The following PELI2 variants were observed in gnomAD, a reference collection of about 807,000 sequenced individuals.
PELI2 encodes the protein E3 ubiquitin-protein ligase pellino homolog 2.
A neutral mutation model predicts 42.3 loss-of-function variants in PELI2; 23 were observed. The ratio of observed to expected loss-of-function variants is 0.54; its 90% CI spans 0.39 to 0.77. PELI2 has a LOEUF of 0.77. PELI2 is among the 30% of genes least tolerant of loss of function. PELI2 has a pLI of 0.00. For missense variants in PELI2, 463 were observed against 553.2 expected, an observed-to-expected ratio of 0.84 and a Z score of 1.64; for synonymous variants, 245 against 212.2, an observed-to-expected ratio of 1.15 and a Z score of -1.34.
intron 5 of PELI2, among the ~76,000 whole-genome samples, chr14:56,291,820 G>A (rs941256443): frequency 4.6e-5 from 7 of 152,246 alleles, no homozygotes; most frequent in Non-Finnish European, 1.0e-4. Context: ...AGGAAGATGT[G>A]GCGTGAAGTT....
At chr14:56,254,038 C>T (rs1369839181) in intron 2 of PELI2, among the ~76,000 whole-genome samples, 3 of 152,164 alleles carry the variant, frequency 2.0e-5, no homozygotes, top group Non-Finnish European at 4.4e-5. Flanking sequence ...AGAAATAATA[C>T]CACACATCTA....
chr14:56,202,020 C>T (rs4901648), intron 2 of PELI2, among the ~76,000 whole-genome samples: 61,138 of 151,862 alleles, frequency 0.4, 12,981 homozygotes, highest in South Asian at 0.53. Context: ...CCCTGTTTGA[C>T]AGATGTAGAA....
chr14:56,203,709 G>A (rs752287208), intron 2 of PELI2, among the ~76,000 whole-genome samples: 2 of 152,104 alleles, frequency 1.3e-5, no homozygotes, highest in Non-Finnish European at 2.9e-5. Flanking sequence ...AGGTGCTCCT[G>A]AGCAAGATAG....
chr14:56,202,302 T>A (rs1886357475), intron 2 of PELI2, among the ~76,000 whole-genome samples: 3 of 152,042 alleles, frequency 2.0e-5, no homozygotes, highest in Non-Finnish European at 4.4e-5. Context: ...AATGTTGTCT[T>A]AAATATCAAA....
intron 2 of PELI2, among the ~76,000 whole-genome samples, chr14:56,276,847 G>T (rs1008120785): frequency 2.0e-5 from 3 of 152,142 alleles, no homozygotes; most frequent in Non-Finnish European, 4.4e-5. Context: ...GCAGAAGTCT[G>T]ATATCACAGA....
intron 2 of PELI2, among the ~76,000 whole-genome samples, chr14:56,235,845 G>T (rs1887774341): frequency 6.6e-6 from 1 of 152,196 alleles, no homozygotes; most frequent in Admixed American, 6.5e-5. Flanking sequence ...GGGAAGAGAA[G>T]GGCATTTCTG....
intron 1 of PELI2, among the ~76,000 whole-genome samples, chr14:56,133,287 T>G (rs1883563239): frequency 6.6e-6 from 1 of 152,170 alleles, no homozygotes; most frequent in South Asian, 2.1e-4. Context: ...CAGAGTGAGG[T>G]ATATGTTAAT....
At chr14:56,243,277 CTT>C (rs1047536757) in intron 2 of PELI2, among the ~76,000 whole-genome samples, 2 of 152,182 alleles carry the variant, frequency 1.3e-5, no homozygotes, top group Non-Finnish European at 2.9e-5. Flanking sequence ...GGGAGTGTGT[CTT>C]TTGAGAGCCT....
chr14:56,294,542 A>T (rs1889936278), intron 5 of PELI2, among the ~76,000 whole-genome samples: 1 of 152,136 alleles, frequency 6.6e-6, no homozygotes, highest in Admixed American at 6.6e-5. Context: ...GATTGACAAA[A>T]TTTCTGGTGC....
At position 56,227,119 on chromosome 14, in the gene PELI2, C is replaced by G. The variant is rs568833629; in HGVS notation, c.207+48655C>G. 4.6e-5 allele frequency among the ~76,000 whole-genome samples: 7 copies of G among 152,304 alleles called. No homozygotes were observed. In the East Asian group the frequency reaches 1.3e-3, roughly 29 times the overall value. ...TTATTTTAAAGATAGTTACCAAGTT[C>G]TCCTCTTCCAGTTGCTCAACATTTC... is the stretch of plus-strand genomic sequence containing the variant. On this transcript the variant is annotated intron_variant, in intron 2 of 5. Coordinates refer to ENST00000267460, the MANE Select transcript of PELI2 (RefSeq NM_021255.3).
intron 1 of PELI2, among the ~76,000 whole-genome samples, chr14:56,149,566 A>G (rs1419375363): frequency 6.6e-6 from 1 of 152,092 alleles, no homozygotes; most frequent in Non-Finnish European, 1.5e-5. Flanking sequence ...CTCATGGTTC[A>G]GTTTCCTTGG....
At chr14:56,263,753 C>G (rs778249234) in intron 2 of PELI2, among the ~76,000 whole-genome samples, 1 of 152,048 alleles carries the variant, frequency 6.6e-6, no homozygotes, top group African/African-American at 2.4e-5. Flanking sequence ...TCTTATTGTT[C>G]TTATTAGAGA....
chr14:56,144,068 G>C (rs1484419526), intron 1 of PELI2, among the ~76,000 whole-genome samples: 3 of 152,164 alleles, frequency 2.0e-5, no homozygotes, highest in Admixed American at 2.0e-4. Flanking sequence ...GTGTGCATGT[G>C]TATACTCATA....
At chr14:56,296,033 T>C (rs1889988144) in intron 5 of PELI2, among the ~76,000 whole-genome samples, 1 of 152,262 alleles carries the variant, frequency 6.6e-6, no homozygotes, top group Non-Finnish European at 1.5e-5. Context: ...AGCACAGGCC[T>C]CCTTCTAAAA....
At chr14:56,123,624 C>A (rs972567925) in intron 1 of PELI2, among the ~76,000 whole-genome samples, 1 of 152,120 alleles carries the variant, frequency 6.6e-6, no homozygotes, top group Admixed American at 6.5e-5. Context: ...TTATTTATTT[C>A]TCTCTTTAAC....
intron 2 of PELI2, among the ~76,000 whole-genome samples, chr14:56,249,674 A>T (rs765667093): frequency 1.3e-5 from 2 of 152,232 alleles, no homozygotes; most frequent in Admixed American, 6.5e-5. Flanking sequence ...ATGGGAATAC[A>T]CACAAGGAAT....
chr14:56,131,221 A>G lies in PELI2; in HGVS notation c.77+12484A>G, dbSNP rs191491895. On this transcript the variant is annotated intron_variant, in intron 1 of 5. Coordinates refer to ENST00000267460, the MANE Select transcript of PELI2 (RefSeq NM_021255.3). ...CAGGAAAAGTGCCTTTTATTTGCTT[A>G]TTGTATTAGCTTAGACCAGGTGCCA... is the stretch of plus-strand genomic sequence containing the variant. Among the ~76,000 whole-genome samples, 317 of 152,292 alleles carry G rather than the reference A, an allele frequency of 2.1e-3. 1 individual carries two copies. Among genetic ancestry groups the G allele is most frequent in the African/African-American group, 7.3e-3 (303 of 41,566 alleles).
intron 2 of PELI2, among the ~76,000 whole-genome samples, chr14:56,213,497 A>G (rs2139733027): frequency 6.6e-6 from 1 of 152,340 alleles, no homozygotes; most frequent in East Asian, 1.9e-4. Context: ...AAAGAGGGAG[A>G]GGGACAAAGG....
intron 2 of PELI2, among the ~76,000 whole-genome samples, chr14:56,240,759 G>C (rs1435408846): frequency 6.6e-6 from 1 of 152,138 alleles, no homozygotes; most frequent in African/African-American, 2.4e-5. Flanking sequence ...TGCTAGCTTT[G>C]GATGGATGTG....
Sources: allele counts gnomAD v4.1 joint callset (sites outside exome capture counted in the v4.1 genomes callset), GRCh38; gene constraint gnomAD v4.1.1; transcripts MANE v1.5; gene names NCBI Gene and HGNC (gene_info 2026-07-23, HGNC 2026-07-21).